TNFRSF1B: variants seen among roughly 807,000 people sequenced by gnomAD.
The protein encoded by TNFRSF1B is TNF receptor superfamily member 1B, also known as tumor necrosis factor receptor superfamily member 1B.
TNFRSF1B carries 19 observed loss-of-function variants against 44.6 expected under a neutral mutation model. That is an observed-to-expected ratio of 0.43 (90% CI 0.30 to 0.62). TNFRSF1B has a LOEUF of 0.62. Among genes scored for constraint, TNFRSF1B ranks in the 20% least tolerant of loss-of-function variants. The probability of loss-of-function intolerance (pLI) is 0.16; values close to 1 mark genes in which losing one functional copy is unlikely to be tolerated. For missense variants in TNFRSF1B, 541 were observed against 619.9 expected (o/e 0.87, Z 1.35); for synonymous variants, 252 against 261.1 (o/e 0.97, Z 0.34).
chr1:12,176,983 A>G (rs1638673272), intron 1 of TNFRSF1B, among the ~76,000 whole-genome samples: 1 of 149,838 alleles, frequency 6.7e-6, no homozygotes, highest in Non-Finnish European at 1.5e-5. Context: ...CTGAGCCCTG[A>G]GCCCTGAGCC....
chr1:12,191,541 G>A (rs1410676273), intron 3 of TNFRSF1B, among the ~76,000 whole-genome samples: 1 of 151,846 alleles, frequency 6.6e-6, no homozygotes, highest in Non-Finnish European at 1.5e-5. Context: ...CGACTGCGGG[G>A]GACGAGCAGG....
chr1:12,187,389 G>A lies in TNFRSF1B; in HGVS notation c.79-1407G>A, dbSNP rs905282993. On this transcript the variant is annotated intron_variant, in intron 1 of 9. Coordinates refer to ENST00000376259, the MANE Select transcript of TNFRSF1B (RefSeq NM_001066.3). The surrounding 1 kb of genome is among the most constrained non-coding windows in gnomAD (Gnocchi z 5.5). ...GCTGGTCTCGAACTCTTGACCTCAA[G>A]TGATCCACCTGCTTCGGCCTCCCAA... 2.6e-5 allele frequency among the ~76,000 whole-genome samples: 4 copies of A among 152,166 alleles called. No individual in the cohort carries two copies. The East Asian group carries it at 7.7e-4, about 29-fold the overall frequency.
Position 12,202,065 on chromosome 1 carries a change from C to T in TNFRSF1B, c.999C>T (p.Ser333=). 1 of 1,603,674 alleles carries T rather than the reference C, an allele frequency of 6.2e-7. No individual in the cohort carries two copies. ...APSSSSSSLE[S]SASALDRRAP... Reference sequence around the variant, plus strand: ...GCTCCAGCAGCAGCTCCCTGGAGAGCTCGGCCAGTGCGTTGGACAGAAGGG... The same window carrying T: ...GCTCCAGCAGCAGCTCCCTGGAGAGTTCGGCCAGTGCGTTGGACAGAAGGG... Residue 333 remains serine (S), a synonymous_variant, in exon 9 of 10, where the codon AGC becomes AGT. Transcript: ENST00000376259.
chr1:12,203,318 A>C (rs1216902281), intron 9 of TNFRSF1B, among the ~76,000 whole-genome samples: 1 of 152,154 alleles, frequency 6.6e-6, no homozygotes, highest in Admixed American at 6.5e-5. Context: ...TGGGCACCAG[A>C]CCAGGGCCAG....
chr1:12,175,626 C>G (rs927949965), intron 1 of TNFRSF1B, among the ~76,000 whole-genome samples: 1 of 152,138 alleles, frequency 6.6e-6, no homozygotes, highest in South Asian at 2.1e-4. Flanking sequence ...TCCTGAGCCT[C>G]GCAAGCCCCT....
At chr1:12,202,490 T>C (rs1196652006) in intron 9 of TNFRSF1B, among the ~76,000 whole-genome samples, 1 of 152,194 alleles carries the variant, frequency 6.6e-6, no homozygotes, top group East Asian at 1.9e-4. Flanking sequence ...CACCATGCCC[T>C]GGCCTCCCTT....
intron 8 of TNFRSF1B, 81 bp downstream of exon 8, chr1:12,194,699 A>G: frequency 6.5e-7 from 1 of 1,535,852 alleles, no homozygotes; most frequent in Non-Finnish European, 9.0e-7. Context: ...GAAGCAGTGA[A>G]TTCTGTCATT....
intron 1 of TNFRSF1B, among the ~76,000 whole-genome samples, chr1:12,176,053 G>GA (rs113671676): frequency 0.15 from 20,825 of 138,410 alleles, 1,745 homozygotes; most frequent in South Asian, 0.21. Context: ...TGTCTCTACT[G>GA]AAAAAAAAAA....
At chr1:12,183,748 T>TCTATCTAG (rs1279334157) in intron 1 of TNFRSF1B, among the ~76,000 whole-genome samples, 8,139 of 116,770 alleles carry the variant, frequency 0.07, 651 homozygotes, top group East Asian at 0.15. Flanking sequence ...TATCTATCTA[T>TCTATCTAG]CTAGCTAGCT....
chr1:12,185,803 T>C (rs971750177), intron 1 of TNFRSF1B, among the ~76,000 whole-genome samples: 13 of 152,190 alleles, frequency 8.5e-5, no homozygotes, highest in Non-Finnish European at 1.5e-4. Context: ...GCTGAGCACC[T>C]ACGCCCTGCT....
Position 12,202,140 on chromosome 1 carries a change from CG to C in TNFRSF1B, c.1078del (p.Glu360ArgfsTer26). The C allele has an allele frequency of 6.4e-7, 1 of 1,554,122 alleles. No individual in the cohort carries two copies. The highest frequency in any genetic ancestry group is 8.7e-7 in the Non-Finnish European group (1 of 1,149,782). On this transcript the variant is annotated frameshift_variant, in exon 9 of 10. Transcript: ENST00000376259. LOFTEE classifies it low-confidence loss of function (END_TRUNC). Reference protein sequence around the residue: ...QAPGVEASGAGEARASTGSSD... With the variant: ...QAPGVEASGAXEARASTGSSD... ...CACCAGGCGTGGAGGCCAGTGGGGCCGGGGAGGCCCGGGCCAGCACCGGGAG... is the reference window on the plus strand; with the variant it reads ...CACCAGGCGTGGAGGCCAGTGGGGCCGGGAGGCCCGGGCCAGCACCGGGAG...
rs645984 is a variant in TNFRSF1B, at chr1:12,178,830, C to A, written c.79-9966C>A. Among the ~76,000 whole-genome samples the A allele has an allele frequency of 6.6e-6, 1 of 151,900 alleles. No individual in the cohort carries two copies. On this transcript the variant is annotated intron_variant, in intron 1 of 9. Coordinates refer to ENST00000376259, the MANE Select transcript of TNFRSF1B (RefSeq NM_001066.3). This position sits in a 1 kb window ranked among gnomAD's most constrained non-coding sequence, Gnocchi z 4.3. ...ATGCTGGCAGGGGCTAAGGAGGTTG[C>A]GCAGGTGGTGGCAGCCGCTGGAAGC... is the stretch of plus-strand genomic sequence containing the variant.
chr1:12,191,679 G>A, intron 3 of TNFRSF1B, 95 bp from the exon 4 acceptor site: 1 of 1,534,494 alleles, frequency 6.5e-7, no homozygotes, highest in South Asian at 1.2e-5. Flanking sequence ...CAGCCTCCTG[G>A]AGATCCGCTG....
At chr1:12,206,701 A>G (rs2101131833) in intron 9 of TNFRSF1B, 39 bp from the exon 10 acceptor site, 1 of 1,514,244 alleles carries the variant, frequency 6.6e-7, no homozygotes, top group Non-Finnish European at 8.9e-7. Context: ...CCACTCCTGG[A>G]CCCCCGGACT....
intron 1 of TNFRSF1B, among the ~76,000 whole-genome samples, chr1:12,183,775 A>T (rs1638903992): frequency 7.3e-6 from 1 of 136,546 alleles, no homozygotes; most frequent in African/African-American, 2.7e-5. Context: ...CTAGCTATCT[A>T]TTCTATCTAC....
At chr1:12,176,449 C>T (rs1557624899) in intron 1 of TNFRSF1B, among the ~76,000 whole-genome samples, 1 of 152,180 alleles carries the variant, frequency 6.6e-6, no homozygotes. Context: ...ATTTAATCTT[C>T]CCATCAGCCC....
intron 6 of TNFRSF1B, 73 bp downstream of exon 6, chr1:12,193,171 C>A: frequency 7.2e-7 from 1 of 1,393,084 alleles, no homozygotes; most frequent in Non-Finnish European, 9.9e-7. Context: ...CTTCCTCTCC[C>A]ATGGTTTTAC....
At chr1:12,192,345 C>G in intron 4 of TNFRSF1B, 86 bp from the exon 5 acceptor site, 1 of 1,257,686 alleles carries the variant, frequency 8.0e-7, no homozygotes, top group South Asian at 1.2e-5. Context: ...TTGGGCCCCT[C>G]AGACCTCTCC....
At chr1:12,179,031 CGGT>C (rs1374218274) in intron 1 of TNFRSF1B, among the ~76,000 whole-genome samples, 3 of 151,946 alleles carry the variant, frequency 2.0e-5, no homozygotes, top group African/African-American at 4.8e-5. Context: ...TGGAGGGTGA[CGGT>C]GGGAGAGGCT....
Sources: allele counts gnomAD v4.1 joint callset (sites outside exome capture counted in the v4.1 genomes callset), GRCh38; gene constraint gnomAD v4.1.1; non-coding constraint Gnocchi (gnomAD v3.1); transcripts MANE v1.5; gene names NCBI Gene and HGNC (gene_info 2026-07-23, HGNC 2026-07-21).